SLC1A6: variants seen among roughly 807,000 people sequenced by gnomAD.
The protein encoded by SLC1A6 is solute carrier family 1 member 6.
SLC1A6 carries 15 observed loss-of-function variants against 42.1 expected under a neutral mutation model. The observed-to-expected ratio is 0.36, with a 90% CI of 0.24 to 0.55. The LOEUF (loss-of-function observed/expected upper bound fraction) is 0.55, where lower values mean the gene tolerates loss of function less well. Among genes scored for constraint, SLC1A6 ranks in the 20% least tolerant of loss-of-function variants. The pLI, the probability that SLC1A6 is intolerant of heterozygous loss-of-function variation, is 0.88. For synonymous variants in SLC1A6, 317 were observed against 319.7 expected (o/e 0.99, Z 0.09); for missense variants, 542 against 772.5 (o/e 0.70, Z 3.54).
upstream of SLC1A6, among the ~76,000 whole-genome samples, chr19:14,981,333 C>CA (rs1251568226): frequency 2.0e-5 from 3 of 151,910 alleles, no homozygotes; most frequent in African/African-American, 7.3e-5. Context: ...ATCTGATGCC[C>CA]AAGCCACACC....
At chr19:14,991,702 C>T (rs147077717) in intron 1 of SLC1A6, among the ~76,000 whole-genome samples, 27 of 151,348 alleles carry the variant, frequency 1.8e-4, no homozygotes, top group African/African-American at 5.3e-4. Context: ...AAAAAAACCT[C>T]GGTATTAAAG....
chr19:15,008,072 A>C (rs537179902), intron 1 of SLC1A6, among the ~76,000 whole-genome samples: 10 of 148,142 alleles, frequency 6.8e-5, no homozygotes, highest in Admixed American at 4.0e-4. Flanking sequence ...GTCTGGGTGC[A>C]GTGGCTCAGG....
At chr19:14,952,835 G>C in intron 9 of SLC1A6, 93 bp downstream of exon 9, 1 of 1,448,148 alleles carries the variant, frequency 6.9e-7, no homozygotes, top group African/African-American at 1.4e-5. Context: ...CTGCATCTTT[G>C]CTGGAATAAA....
chr19:14,960,242 C>T (rs977190376), intron 6 of SLC1A6, among the ~76,000 whole-genome samples: 2 of 152,150 alleles, frequency 1.3e-5, no homozygotes, highest in East Asian at 1.9e-4. Context: ...GAAGAGAATA[C>T]TTGAATAAAT....
chr19:15,004,022 G>T (rs534935111), intron 1 of SLC1A6, among the ~76,000 whole-genome samples: 2 of 151,938 alleles, frequency 1.3e-5, no homozygotes, highest in Non-Finnish European at 2.9e-5. Flanking sequence ...TGGGCGTGGT[G>T]GTGGGCCCCT....
chr19:14,958,970 C>T (rs776449376), intron 6 of SLC1A6, among the ~76,000 whole-genome samples: 33 of 152,212 alleles, frequency 2.2e-4, no homozygotes, highest in Non-Finnish European at 4.0e-4. Context: ...AGTTTCCCTT[C>T]TTGTTAAAGA....
chr19:14,960,904 G>A (rs889328508), intron 6 of SLC1A6, among the ~76,000 whole-genome samples: 3 of 150,018 alleles, frequency 2.0e-5, no homozygotes, highest in Non-Finnish European at 4.4e-5. Flanking sequence ...AAATCACAAA[G>A]AGAGTAGATT....
intron 6 of SLC1A6, among the ~76,000 whole-genome samples, chr19:14,960,213 C>T (rs745771421): frequency 2.6e-5 from 4 of 151,996 alleles, no homozygotes; most frequent in South Asian, 2.1e-4. Context: ...TGAACAAATA[C>T]GTGAACAAAT....
intron 1 of SLC1A6, among the ~76,000 whole-genome samples, chr19:14,992,249 T>C (rs74585527): frequency 0.019 from 2,914 of 152,308 alleles, 109 homozygotes; most frequent in African/African-American, 0.065. Flanking sequence ...TTTTTAATTA[T>C]TGACATTGGA....
chr19:14,994,224 T>A (rs193042615), intron 1 of SLC1A6, among the ~76,000 whole-genome samples: 28 of 152,078 alleles, frequency 1.8e-4, no homozygotes, highest in African/African-American at 5.3e-4. Flanking sequence ...CTTCAAGCAA[T>A]GGGAAGCCCT....
intron 8 of SLC1A6, among the ~76,000 whole-genome samples, chr19:14,953,309 C>CT (rs1362173609): frequency 7.0e-6 from 1 of 142,102 alleles, no homozygotes; most frequent in East Asian, 2.3e-4. Flanking sequence ...CTCTCTCTCT[C>CT]TCCCAGGCTG....
intron 6 of SLC1A6, among the ~76,000 whole-genome samples, chr19:14,958,437 C>G (rs1312474950): frequency 6.6e-6 from 1 of 151,882 alleles, no homozygotes. Flanking sequence ...TTGAAATCTA[C>G]TTTGGCTCAC....
chr19:14,984,240 C>T (rs2045782153), upstream of SLC1A6, among the ~76,000 whole-genome samples: 2 of 151,922 alleles, frequency 1.3e-5, no homozygotes, highest in Non-Finnish European at 2.9e-5. Context: ...ACCCAGGAGG[C>T]GGAAGTTGCA....
intron 2 of SLC1A6, among the ~76,000 whole-genome samples, chr19:14,972,159 G>C (rs1238987238): frequency 4.0e-5 from 6 of 151,758 alleles, no homozygotes; most frequent in African/African-American, 9.8e-5. Context: ...ACATTCACTT[G>C]TGAACAGGTA....
intron 1 of SLC1A6, among the ~76,000 whole-genome samples, chr19:15,007,555 A>G (rs1228552706): frequency 6.6e-6 from 1 of 151,684 alleles, no homozygotes; most frequent in Non-Finnish European, 1.5e-5. Flanking sequence ...TCATCTCACA[A>G]AAAAAAATCA....
Position 14,964,312 on chromosome 19 carries a change from C to T in SLC1A6, c.591+7G>A. 1 of 1,612,868 alleles carries T rather than the reference C, an allele frequency of 6.2e-7. No homozygotes were observed. The highest frequency in any genetic ancestry group is 1.1e-5 in the South Asian group (1 of 91,052). On this transcript the variant is annotated splice_region_variant and intron_variant, in intron 5 of 9. Coordinates refer to ENST00000594383, the MANE Select transcript of SLC1A6 (RefSeq NM_005071.3). ...CTCCTTGATCAAACTGTGTACTTCCCCCTGACCTGTTTGAAGCAGGCCTCC... is the reference window on the plus strand; with the variant it reads ...CTCCTTGATCAAACTGTGTACTTCCTCCTGACCTGTTTGAAGCAGGCCTCC...
At chr19:14,996,535 T>TTCTTCTTCC (rs2045847406) in intron 1 of SLC1A6, among the ~76,000 whole-genome samples, 1 of 114,248 alleles carries the variant, frequency 8.8e-6, no homozygotes, top group African/African-American at 3.0e-5. Flanking sequence ...CTCTTTCTTC[T>TTCTTCTTCC]TCTTCTTCTT....
intron 6 of SLC1A6, among the ~76,000 whole-genome samples, chr19:14,958,176 C>T (rs1038799051): frequency 1.3e-5 from 2 of 151,948 alleles, no homozygotes; most frequent in African/African-American, 2.4e-5. Flanking sequence ...TTTGGGAGGC[C>T]GAGGAGGGCA....
upstream of SLC1A6, among the ~76,000 whole-genome samples, chr19:14,984,444 T>C (rs1442964975): frequency 6.6e-6 from 1 of 152,240 alleles, no homozygotes; most frequent in Non-Finnish European, 1.5e-5. Context: ...ATTGTTTTGG[T>C]TGAAATACAT....
Sources: gnomAD v4.1 joint callset for allele counts (sites outside exome capture counted in the v4.1 genomes callset) on GRCh38, gnomAD v4.1.1 for gene constraint, MANE v1.5 for transcripts, NCBI Gene and HGNC (gene_info 2026-07-23, HGNC 2026-07-21) for gene names.